The following NR3C1 variants were observed in gnomAD, a reference collection of about 807,000 sequenced individuals.
NR3C1 encodes glucocorticoid receptor.
In NR3C1, 14 loss-of-function variants were observed where a neutral mutation model predicts 74.0. That is an observed-to-expected ratio of 0.19 (90% CI 0.12 to 0.30). NR3C1 has a LOEUF of 0.30. Ranked by LOEUF, NR3C1 falls within the 10% of genes least tolerant of loss-of-function variation. The pLI is 1.00. For synonymous variants in NR3C1, 308 were observed against 332.5 expected, an observed-to-expected ratio of 0.93 and a Z score of 0.80; for missense variants, 695 against 909.8, an observed-to-expected ratio of 0.76 and a Z score of 3.04.
chr5:143,314,964 C>T (rs956111331), intron 2 of NR3C1, among the ~76,000 whole-genome samples: 8 of 152,316 alleles, frequency 5.3e-5, no homozygotes, highest in Admixed American at 2.6e-4. Context: ...GAATCTGCTT[C>T]TCTTACTAGG....
At chr5:143,414,130 T>C (rs1305547320) in intron 1 of NR3C1, among the ~76,000 whole-genome samples, 1 of 152,240 alleles carries the variant, frequency 6.6e-6, no homozygotes, top group Non-Finnish European at 1.5e-5. Context: ...AAATTTCAAA[T>C]GTTACACAAA....
At chr5:143,334,234 TA>T (rs1424202299) in intron 2 of NR3C1, among the ~76,000 whole-genome samples, 14 of 151,806 alleles carry the variant, frequency 9.2e-5, no homozygotes, top group African/African-American at 3.1e-4. Flanking sequence ...ATACAAAAAT[TA>T]GCCGGGCATG....
At chr5:143,374,128 T>C (rs1834721381) in intron 2 of NR3C1, among the ~76,000 whole-genome samples, 1 of 152,156 alleles carries the variant, frequency 6.6e-6, no homozygotes, top group South Asian at 2.1e-4. Context: ...TTGTTAAAAA[T>C]TTGCCTCAGC....
chr5:143,332,968 A>C, intron 2 of NR3C1: 1 of 1,586,666 alleles, frequency 6.3e-7, no homozygotes, highest in Non-Finnish European at 8.5e-7. Flanking sequence ...AAACGTGGAC[A>C]AGCCAAGGTC....
intron 2 of NR3C1, among the ~76,000 whole-genome samples, chr5:143,396,792 A>G (rs1839275562): frequency 6.6e-6 from 1 of 151,786 alleles, no homozygotes; most frequent in Non-Finnish European, 1.5e-5. Flanking sequence ...ATTTTTTAAC[A>G]CTAAAATTTC....
At chr5:143,416,774 T>G (rs570169895) in intron 1 of NR3C1, among the ~76,000 whole-genome samples, 7 of 152,318 alleles carry the variant, frequency 4.6e-5, no homozygotes, top group African/African-American at 1.7e-4. Flanking sequence ...AGAAGCCAGT[T>G]GAATGTCTAA....
intron 7 of NR3C1, among the ~76,000 whole-genome samples, chr5:143,293,132 T>G (rs1470232216): frequency 6.6e-6 from 1 of 152,158 alleles, no homozygotes. Flanking sequence ...CCAGTCCAAA[T>G]GCCCATCAAT....
chr5:143,362,693 T>C (rs2151826333), intron 2 of NR3C1, among the ~76,000 whole-genome samples: 1 of 152,290 alleles, frequency 6.6e-6, no homozygotes, highest in East Asian at 1.9e-4. Flanking sequence ...GGTTTACCTG[T>C]CTGGTGACTC....
rs1268686018 is a variant in NR3C1, at chr5:143,333,198, C to T, written c.1185-19030G>A. The T allele has an allele frequency of 5.5e-5, 85 of 1,555,254 alleles. No homozygotes were observed. The East Asian group carries it at 1.1e-3, about 21-fold the overall frequency. ...CAAGGAGATGGGCACACCTGGCTAT[C>T]GGGGTGAACGCATCAATCAGCTCAT... On this transcript the variant is annotated intron_variant, in intron 2 of 8. Transcript: ENST00000394464.
rs747741357 is a variant in NR3C1, at chr5:143,399,929, G to T, written c.911C>A (p.Ala304Glu). The change falls in exon 2 of 9, where the codon GCA becomes GAA. Residue 304 changes from alanine to glutamate, a missense_variant. Physicochemically the swap from Ala to Glu is moderately radical, Grantham distance 107. Coordinates refer to ENST00000394464, the MANE Select transcript of NR3C1 (RefSeq NM_000176.3). ...QEKLGTVYCQ[A>E]SFPGANIIGN... ...AATTATATTTGCTCCAGGAAAGCTT[G>T]CCTGACAGTAAACTGTGCCCAGTTT... 6.2e-7 allele frequency: 1 copy of T among 1,614,156 alleles called. No individual in the cohort carries two copies. The highest frequency in any genetic ancestry group is 8.5e-7 in the Non-Finnish European group (1 of 1,180,030).
intron 2 of NR3C1, among the ~76,000 whole-genome samples, chr5:143,383,891 C>T (rs1023644968): frequency 6.6e-6 from 1 of 152,202 alleles, no homozygotes; most frequent in African/African-American, 2.4e-5. Context: ...ATTTTAAATA[C>T]ACATACCCCT....
intron 2 of NR3C1, among the ~76,000 whole-genome samples, chr5:143,348,533 G>A (rs1829698723): frequency 6.6e-6 from 1 of 152,120 alleles, no homozygotes; most frequent in African/African-American, 2.4e-5. Context: ...TCTTGTTTTA[G>A]CTCTCAAACT....
chr5:143,421,671 A>G (rs1426900323), intron 1 of NR3C1, among the ~76,000 whole-genome samples: 1 of 152,102 alleles, frequency 6.6e-6, no homozygotes, highest in Non-Finnish European at 1.5e-5. Context: ...ACGTGCCTGT[A>G]ATTTCAGCCA....
At chr5:143,336,804 C>A (rs529155519) in intron 2 of NR3C1, among the ~76,000 whole-genome samples, 1 of 151,556 alleles carries the variant, frequency 6.6e-6, no homozygotes, top group Non-Finnish European at 1.5e-5. Flanking sequence ...GTCAACATGG[C>A]GAAACCCTGT....
intron 1 of NR3C1, among the ~76,000 whole-genome samples, chr5:143,419,439 G>A (rs1295002040): frequency 2.6e-5 from 4 of 152,136 alleles, no homozygotes; most frequent in Non-Finnish European, 5.9e-5. Context: ...CGGGGAACCT[G>A]CCCCGATAGT....
intron 2 of NR3C1, among the ~76,000 whole-genome samples, chr5:143,372,497 C>T (rs1834396187): frequency 6.6e-6 from 1 of 152,134 alleles, no homozygotes; most frequent in African/African-American, 2.4e-5. Context: ...TAAAACTCTT[C>T]GATTCTTTAT....
At chr5:143,336,229 A>G (rs989249253) in intron 2 of NR3C1, among the ~76,000 whole-genome samples, 5 of 152,248 alleles carry the variant, frequency 3.3e-5, no homozygotes, top group African/African-American at 1.2e-4. Flanking sequence ...TCCTTTAGCC[A>G]TATCTCTGTT....
At chr5:143,369,854 C>A (rs1600333887) in intron 2 of NR3C1, among the ~76,000 whole-genome samples, 1 of 152,176 alleles carries the variant, frequency 6.6e-6, no homozygotes, top group South Asian at 2.1e-4. Context: ...TCATTCTGTT[C>A]CAAACTTACT....
chr5:143,333,769 AAAAC>A (rs374779843), intron 2 of NR3C1, among the ~76,000 whole-genome samples: 2,322 of 152,180 alleles, frequency 0.015, 57 homozygotes, highest in African/African-American at 0.041. Context: ...TCCATCTCAA[AAAAC>A]AAACAAACAA....
Sources: allele counts gnomAD v4.1 joint callset (sites outside exome capture counted in the v4.1 genomes callset), GRCh38; gene constraint gnomAD v4.1.1; transcripts MANE v1.5; gene names NCBI Gene and HGNC (gene_info 2026-07-23, HGNC 2026-07-21).